Variants in PCDHA11 observed in about 807,000 individuals in gnomAD.
PCDHA11 encodes protocadherin alpha-11.
PCDHA11 carries 61 observed loss-of-function variants against 70.3 expected under a neutral mutation model. The ratio of observed to expected loss-of-function variants is 0.87; its 90% CI spans 0.71 to 1.07. The LOEUF is 1.07. Ranked by LOEUF, PCDHA11 falls within the 50% of genes least tolerant of loss-of-function variation. The probability of loss-of-function intolerance (pLI) is 0.00; values close to 1 mark genes in which losing one functional copy is unlikely to be tolerated. For synonymous variants in PCDHA11, 633 were observed against 555.1 expected, an observed-to-expected ratio of 1.14 and a Z score of -1.97; for missense variants, 1,324 against 1,237.5, an observed-to-expected ratio of 1.07 and a Z score of -1.05.
chr5:141,009,880 C>T lies in PCDHA11; in HGVS notation c.2793C>T (p.Asn931=). ...AAAAGAAGAAAAAGAAGAAGGGTAACAAGACCCAGGAGAAAAAAGAGAAAG... is the reference window on the plus strand; with the variant it reads ...AAAAGAAGAAAAAGAAGAAGGGTAATAAGACCCAGGAGAAAAAAGAGAAAG... The part of the protein sequence containing the change: ...TKKKKKKKKG[N]KTQEKKEKGN... Residue 931 remains asparagine, a synonymous_variant, in exon 4 of 4, where the codon AAC becomes AAT. Transcript: ENST00000398640. 1 of 1,613,788 alleles carries T rather than the reference C, an allele frequency of 6.2e-7. No individual in the cohort carries two copies. The highest frequency in any genetic ancestry group is 8.5e-7 in the Non-Finnish European group (1 of 1,179,974).
chr5:140,928,478 A>G (rs1554205922), intron 1 of PCDHA11: 1 of 1,614,132 alleles, frequency 6.2e-7, no homozygotes, highest in East Asian at 2.2e-5. Context: ...GAAGGCCGGG[A>G]TGGTGGCATT....
At chr5:140,882,601 C>G (rs1322989069) in intron 1 of PCDHA11, 1 of 1,614,144 alleles carries the variant, frequency 6.2e-7, no homozygotes, top group Admixed American at 1.7e-5. Flanking sequence ...TGATCGTGGA[C>G]AGGCCTCTGC....
chr5:140,961,965 C>T (rs1292120191), intron 1 of PCDHA11, among the ~76,000 whole-genome samples: 9 of 151,536 alleles, frequency 5.9e-5, no homozygotes, highest in Non-Finnish European at 8.8e-5. Context: ...CTCACTGCAA[C>T]CTCCGCCTCC....
chr5:140,908,492 T>G (rs1241563422), intron 1 of PCDHA11, among the ~76,000 whole-genome samples: 3 of 152,226 alleles, frequency 2.0e-5, no homozygotes, highest in African/African-American at 7.2e-5. Context: ...CAGTTCAGGT[T>G]GCTTGGTGAC....
chr5:140,902,622 A>C (rs1328816868), intron 1 of PCDHA11, among the ~76,000 whole-genome samples: 2 of 152,068 alleles, frequency 1.3e-5, no homozygotes, highest in Non-Finnish European at 2.9e-5. Flanking sequence ...TGGGTAAGTT[A>C]TTTAGTGGTG....
In PCDHA11 at chr5:140,869,193, G is replaced by C. The variant is rs1215630740; in HGVS notation, c.90G>C (p.Gln30His). The C allele has an allele frequency of 1.9e-6, 3 of 1,614,040 alleles. No individual in the cohort carries two copies. In the African/African-American group the frequency reaches 4.0e-5, roughly 22 times the overall value. The change falls in exon 1 of 4, where the codon CAG becomes CAC. Residue 30 changes from glutamine to histidine, a missense_variant. Gln to His is a conservative substitution (Grantham distance 24). Transcript: ENST00000398640. The part of the protein sequence containing the change: ...LLEFWEVGSG[Q>H]LHYSVSEEAK... Reference sequence around the variant, plus strand: ...AATTCTGGGAGGTGGGGAGCGGCCAGCTCCACTACTCCGTCTCGGAGGAGG... The same window carrying C: ...AATTCTGGGAGGTGGGGAGCGGCCACCTCCACTACTCCGTCTCGGAGGAGG...
At chr5:140,965,318 C>T (rs1397101710) in intron 1 of PCDHA11, among the ~76,000 whole-genome samples, 1 of 152,104 alleles carries the variant, frequency 6.6e-6, no homozygotes, top group Non-Finnish European at 1.5e-5. Flanking sequence ...TTCTCTTTTA[C>T]TGAAGTGAAT....
chr5:140,936,987 T>A (rs996790487), intron 1 of PCDHA11, among the ~76,000 whole-genome samples: 1 of 152,170 alleles, frequency 6.6e-6, no homozygotes, highest in Non-Finnish European at 1.5e-5. Flanking sequence ...CTTGTTAACA[T>A]TGACAATATT....
chr5:140,882,057 A>C, intron 1 of PCDHA11: 1 of 790,730 alleles, frequency 1.3e-6, no homozygotes, highest in Non-Finnish European at 1.9e-6. Context: ...ACTTACACTT[A>C]CACGTTCATG....
intron 3 of PCDHA11, among the ~76,000 whole-genome samples, chr5:140,999,965 T>C (rs1439660759): frequency 1.3e-5 from 2 of 151,684 alleles, no homozygotes; most frequent in African/African-American, 4.8e-5. Flanking sequence ...TACCCAGGAG[T>C]AGCAGCTCTA....
chr5:140,907,517 G>A (rs1174112923), intron 1 of PCDHA11, among the ~76,000 whole-genome samples: 3 of 152,192 alleles, frequency 2.0e-5, no homozygotes, highest in Non-Finnish European at 4.4e-5. Flanking sequence ...TTCCAGTGAG[G>A]ACAAATCGCT....
chr5:140,913,448 G>A (rs185287281), intron 1 of PCDHA11, among the ~76,000 whole-genome samples: 8 of 152,012 alleles, frequency 5.3e-5, no homozygotes, highest in African/African-American at 1.2e-4. Flanking sequence ...TTTCAGCTCC[G>A]ATTTTATTTA....
intron 3 of PCDHA11, among the ~76,000 whole-genome samples, chr5:140,990,637 C>A (rs2097404568): frequency 6.6e-6 from 1 of 152,154 alleles, no homozygotes; most frequent in South Asian, 2.1e-4. Flanking sequence ...AGACTAGAAG[C>A]CTCAGCCAGT....
At chr5:140,989,530 AG>A (rs1249109717) in intron 3 of PCDHA11, among the ~76,000 whole-genome samples, 1 of 152,200 alleles carries the variant, frequency 6.6e-6, no homozygotes, top group Non-Finnish European at 1.5e-5. Context: ...CAGAGGAGGA[AG>A]ATAGTTTGTA....
At chr5:140,897,240 A>T (rs1475170855) in intron 1 of PCDHA11, among the ~76,000 whole-genome samples, 5 of 151,908 alleles carry the variant, frequency 3.3e-5, no homozygotes, top group Non-Finnish European at 5.9e-5. Flanking sequence ...TGTGCAGGTT[A>T]GTTACATATG....
At chr5:140,949,626 G>A (rs2094403314) in intron 1 of PCDHA11, among the ~76,000 whole-genome samples, 1 of 151,546 alleles carries the variant, frequency 6.6e-6, no homozygotes, top group Non-Finnish European at 1.5e-5. Context: ...CTGTTTTCAT[G>A]GCATATTGCT....
chr5:140,969,464 C>A, intron 1 of PCDHA11: 1 of 1,491,558 alleles, frequency 6.7e-7, no homozygotes. Flanking sequence ...ATATAGTATC[C>A]ACAATTTGAT....
intron 1 of PCDHA11, among the ~76,000 whole-genome samples, chr5:140,944,993 G>A (rs529303280): frequency 6.6e-5 from 10 of 152,054 alleles, no homozygotes; most frequent in African/African-American, 2.2e-4. Context: ...CTTCTGTAAC[G>A]GTTGTGGGTC....
chr5:140,961,464 C>G (rs1364555316), intron 1 of PCDHA11, among the ~76,000 whole-genome samples: 1 of 152,126 alleles, frequency 6.6e-6, no homozygotes, highest in Non-Finnish European at 1.5e-5. Flanking sequence ...AGCTGCCTTT[C>G]TTTTTTTGTC....
Sources: gnomAD v4.1 joint callset for allele counts (sites outside exome capture counted in the v4.1 genomes callset) on GRCh38, gnomAD v4.1.1 for gene constraint, MANE v1.5 for transcripts, NCBI Gene and HGNC (gene_info 2026-07-23, HGNC 2026-07-21) for gene names.